Variants in DOC2B observed in about 807,000 individuals in gnomAD.
DOC2B encodes double C2-like domain-containing protein beta.
A neutral mutation model predicts 28.9 loss-of-function variants in DOC2B; 21 were observed. The observed-to-expected ratio is 0.73, with a 90% CI of 0.52 to 1.05. The LOEUF (loss-of-function observed/expected upper bound fraction) is 1.05. DOC2B is among the 50% of genes least tolerant of loss of function. DOC2B has a pLI of 0.00. For missense variants in DOC2B, 384 were observed against 421.1 expected, an observed-to-expected ratio of 0.91 and a Z score of 0.77; for synonymous variants, 194 against 178.1, an observed-to-expected ratio of 1.09 and a Z score of -0.71.
chr17:170,267 G>C (rs953110277), intron 2 of DOC2B, among the ~76,000 whole-genome samples: 2 of 152,214 alleles, frequency 1.3e-5, no homozygotes, highest in Non-Finnish European at 2.9e-5. Flanking sequence ...CTGAGTCATA[G>C]CATGGGTGGT....
intron 5 of DOC2B, among the ~76,000 whole-genome samples, chr17:158,996 A>G (rs1555522926): frequency 6.7e-6 from 1 of 148,294 alleles, no homozygotes; most frequent in Admixed American, 6.8e-5. Flanking sequence ...GTAAGCCGAC[A>G]TTGCGCCACT....
chr17:155,845 G>GA (rs1185172111), intron 6 of DOC2B, among the ~76,000 whole-genome samples: 1 of 152,208 alleles, frequency 6.6e-6, no homozygotes, highest in Non-Finnish European at 1.5e-5. Flanking sequence ...AGGCCTGGCA[G>GA]AGTTCCTCTG....
chr17:169,013 G>C (rs539977488), intron 2 of DOC2B, among the ~76,000 whole-genome samples: 1 of 152,312 alleles, frequency 6.6e-6, no homozygotes, highest in East Asian at 1.9e-4. Flanking sequence ...ACTGAGGGAA[G>C]AGATGGGGGG....
At chr17:156,496 C>T in intron 5 of DOC2B, 119 bp from the exon 6 acceptor site, 1 of 1,102,548 alleles carries the variant, frequency 9.1e-7, no homozygotes. Flanking sequence ...GTCACGGTCC[C>T]TGGTGAGTGG....
chr17:155,806 T>G (rs1567529073), intron 6 of DOC2B, among the ~76,000 whole-genome samples: 1 of 152,216 alleles, frequency 6.6e-6, no homozygotes, highest in Non-Finnish European at 1.5e-5. Flanking sequence ...AGCACCATTA[T>G]AGGGCTGGGC....
At chr17:169,474 C>G (rs544679715) in intron 2 of DOC2B, among the ~76,000 whole-genome samples, 27 of 151,546 alleles carry the variant, frequency 1.8e-4, no homozygotes, top group Non-Finnish European at 2.9e-4. Flanking sequence ...CTGAACTGTA[C>G]GCTAAAAATG....
chr17:177,646 G>A (rs1315312010), intron 1 of DOC2B, among the ~76,000 whole-genome samples: 1 of 152,212 alleles, frequency 6.6e-6, no homozygotes, highest in African/African-American at 2.4e-5. Flanking sequence ...TGGTTTTGAT[G>A]AACACCCTCA....
At chr17:153,556 C>T (rs1186117742) in intron 6 of DOC2B, among the ~76,000 whole-genome samples, 1 of 152,164 alleles carries the variant, frequency 6.6e-6, no homozygotes, top group Non-Finnish European at 1.5e-5. Flanking sequence ...CAAAAATTAG[C>T]CTGGCGTGGT....
rs1388376314 is a variant in DOC2B, at chr17:146,566, C to G, written c.*875G>C. The stretch of plus-strand genomic sequence containing the variant: ...ACAAACCCTCCCCTGGAGAGGAGAC[C>G]CTGGGTCCACAGCACCCCGGCCCCA... On this transcript the variant is annotated 3_prime_UTR_variant, in exon 9 of 9. Coordinates refer to ENST00000613549, the MANE Select transcript of DOC2B (RefSeq NM_003585.5). The G allele has an allele frequency of 6.6e-6, 1 of 152,162 alleles. No homozygotes were observed. Among genetic ancestry groups the G allele is most frequent in the Non-Finnish European group, 1.5e-5 (1 of 68,066 alleles). The allele number at this position is 152,162 out of a possible 1,614,324, so 9.4% of individuals were successfully genotyped here.
At chr17:156,154 C>T (rs149263426) in intron 6 of DOC2B, 66 bp downstream of exon 6, 43 of 1,471,504 alleles carry the variant, frequency 2.9e-5, no homozygotes, top group African/African-American at 2.8e-4. Context: ...ACCACGGAGC[C>T]GGCACACGGA....
At position 181,474 on chromosome 17, in the gene DOC2B, G is replaced by A. The variant is rs2040443566; in HGVS notation, c.6C>T (p.Thr2=). M[T]LRRRGEKATI... is the part of the protein sequence containing the mutation. ...TCGCCTTCTCCCCGCGCCGCCGGAG[G>A]GTCATGCAGGCAGCGCCGCCCCGCC... Residue 2 remains threonine, a synonymous_variant, in exon 1 of 9, where the codon ACC becomes ACT. Coordinates refer to ENST00000613549, the MANE Select transcript of DOC2B (RefSeq NM_003585.5). The surrounding 1 kb of genome is among the most constrained non-coding windows in gnomAD (Gnocchi z 7.0). 1 of 1,077,962 alleles carries A rather than the reference G, an allele frequency of 9.3e-7. No individual in the cohort carries two copies. The highest frequency in any genetic ancestry group is 3.1e-5 in the South Asian group (1 of 32,330). The allele number at this position is 1,077,962 out of a possible 1,614,324, so 66.8% of individuals were successfully genotyped here.
intron 2 of DOC2B, among the ~76,000 whole-genome samples, chr17:164,763 C>G (rs2040243234): frequency 6.6e-6 from 1 of 152,222 alleles, no homozygotes; most frequent in South Asian, 2.1e-4. Flanking sequence ...GAAAACCCAG[C>G]CACGCGTGCA....
At chr17:174,587 T>C (rs2040348286) in intron 1 of DOC2B, among the ~76,000 whole-genome samples, 1 of 152,236 alleles carries the variant, frequency 6.6e-6, no homozygotes, top group Non-Finnish European at 1.5e-5. Flanking sequence ...CTCTTCCGTA[T>C]GTCACGGTCA....
In DOC2B at chr17:156,302, G is replaced by A. The variant is rs1401146742; in HGVS notation, c.841C>T (p.Gln281Ter). 1 of 1,551,532 alleles carries A rather than the reference G, an allele frequency of 6.4e-7. No homozygotes were observed. Among genetic ancestry groups the A allele is most frequent in the Non-Finnish European group, 8.7e-7 (1 of 1,147,008 alleles). Reference protein sequence around the residue: ...LISLKYSSQKQGLLVGIVRCA... With the variant: ...LISLKYSSQK ...CGCACGATGCCTACCAGCAGGCCTT[G>A]CTTCTGTGAGCTGTACTTGAGGGAG... The change falls in exon 6 of 9, where the codon CAA becomes TAA. Residue 281 changes from glutamine to a stop codon, truncating the protein, a stop_gained. Transcript: ENST00000613549. LOFTEE classifies it high-confidence loss of function.
intron 2 of DOC2B, among the ~76,000 whole-genome samples, 154 bp from the exon 3 acceptor site, chr17:164,358 G>A (rs2040238666): frequency 6.6e-6 from 1 of 152,162 alleles, no homozygotes; most frequent in South Asian, 2.1e-4. Context: ...GATGGAGGGA[G>A]TGAGGATGGC....
Position 162,072 on chromosome 17 carries a change from C to G in DOC2B, c.638+9G>C. The G allele has an allele frequency of 6.5e-7, 1 of 1,546,518 alleles. No homozygotes were observed. Among genetic ancestry groups the G allele is most frequent in the Non-Finnish European group, 8.8e-7 (1 of 1,142,318 alleles). On this transcript the variant is annotated intron_variant, in intron 4 of 8. Coordinates refer to ENST00000613549, the MANE Select transcript of DOC2B (RefSeq NM_003585.5). ...GGGAGGGAGCAGGCGGCCTGGGACCCTCACCCACCGCAGGGTCTTGCGGAT... is the reference window on the plus strand; with the variant it reads ...GGGAGGGAGCAGGCGGCCTGGGACCGTCACCCACCGCAGGGTCTTGCGGAT...
Position 164,138 on chromosome 17 carries a change from C to T in DOC2B, c.520G>A (p.Ala174Thr). The T allele has an allele frequency of 6.4e-7, 1 of 1,552,648 alleles. No homozygotes were observed. The highest frequency in any genetic ancestry group is 8.7e-7 in the Non-Finnish European group (1 of 1,147,410). The change falls in exon 3 of 9, where the codon GCC becomes ACC. Residue 174 changes from alanine to threonine, a missense_variant. Coordinates refer to ENST00000613549, the MANE Select transcript of DOC2B (RefSeq NM_003585.5). ...TGGGTGGAACCCCTCACCTTACTGG[C>T]TCCTGGCAGCAGGTGCAGCTTGACG... ...PYVKLHLLPG[A>T]SKANKLRTKT...
At chr17:150,830 A>G (rs1162511599) in intron 6 of DOC2B, among the ~76,000 whole-genome samples, 2 of 152,232 alleles carry the variant, frequency 1.3e-5, no homozygotes, top group African/African-American at 2.4e-5. Context: ...ACAATGGAAG[A>G]CCACTTAGCA....
Position 147,436 on chromosome 17 carries a change from G to A in DOC2B, c.*5C>T. On this transcript the variant is annotated 3_prime_UTR_variant, in exon 9 of 9. Coordinates refer to ENST00000613549, the MANE Select transcript of DOC2B (RefSeq NM_003585.5). The stretch of plus-strand genomic sequence containing the variant: ...GGCGGCAGGGGTAGCAGTGGCGGGT[G>A]GGCGTCAGTCGCTGAGCACAGCCCC... 2.5e-6 allele frequency: 1 copy of A among 398,864 alleles called. No individual in the cohort carries two copies. Among genetic ancestry groups the A allele is most frequent in the East Asian group, 3.6e-5 (1 of 28,080 alleles). 24.7% of individuals were successfully genotyped at this position (398,864 alleles called of 1,614,324 possible). A position where few individuals can be genotyped will look rare whatever the true frequency, so the allele number is the denominator to read the frequency against.
Sources: allele counts gnomAD v4.1 joint callset (sites outside exome capture counted in the v4.1 genomes callset), GRCh38; gene constraint gnomAD v4.1.1; non-coding constraint Gnocchi (gnomAD v3.1); transcripts MANE v1.5; gene names NCBI Gene and HGNC (gene_info 2026-07-23, HGNC 2026-07-21).